Variants in TMEM178B observed in about 807,000 individuals in gnomAD.
TMEM178B encodes transmembrane protein 178B.
In TMEM178B, 5 loss-of-function variants were observed where a neutral mutation model predicts 31.0. The observed-to-expected ratio is 0.16, with a 90% confidence interval of 0.08 to 0.34. The LOEUF is 0.34. Among genes scored for constraint, TMEM178B ranks in the 10% least tolerant of loss-of-function variants. TMEM178B has a pLI of 1.00. For missense variants in TMEM178B, 275 were observed against 400.3 expected (o/e 0.69, Z 2.67); for synonymous variants, 164 against 164.0 (o/e 1.00, Z 0.00).
intron 2 of TMEM178B, among the ~76,000 whole-genome samples, chr7:141,291,029 T>C (rs1456425759): frequency 6.6e-6 from 1 of 152,212 alleles, no homozygotes; most frequent in African/African-American, 2.4e-5. Flanking sequence ...TTGCTTTCTC[T>C]ACCATTTGGG....
At chr7:141,089,205 A>G (rs919763598) in intron 1 of TMEM178B, among the ~76,000 whole-genome samples, 4 of 152,256 alleles carry the variant, frequency 2.6e-5, no homozygotes, top group Non-Finnish European at 4.4e-5. Flanking sequence ...GGAGGCAGAA[A>G]GCACTTCGAC....
chr7:141,381,185 T>C (rs1800308564), intron 2 of TMEM178B, among the ~76,000 whole-genome samples: 1 of 152,260 alleles, frequency 6.6e-6, no homozygotes, highest in African/African-American at 2.4e-5. Context: ...AATTCAGTGA[T>C]GTGAAACCCC....
chr7:141,390,256 C>T (rs962054057), intron 2 of TMEM178B, among the ~76,000 whole-genome samples: 1 of 152,186 alleles, frequency 6.6e-6, no homozygotes, highest in African/African-American at 2.4e-5. Flanking sequence ...GGGGGCCACA[C>T]CCTCTATGTG....
rs1287295410 is a variant in TMEM178B, at chr7:141,344,069, T to C, written c.497-93539T>C. Reference sequence around the variant, plus strand: ...TTTAAAATACGGAGTATATGAGATATTGGCTCCTCACTATATGCTGATCTA... The same window carrying C: ...TTTAAAATACGGAGTATATGAGATACTGGCTCCTCACTATATGCTGATCTA... On this transcript the variant is annotated intron_variant, in intron 2 of 3. Coordinates refer to ENST00000565468, the MANE Select transcript of TMEM178B (RefSeq NM_001195278.2). This position sits in a 1 kb window ranked among gnomAD's most constrained non-coding sequence, Gnocchi z 4.1. Among the ~76,000 whole-genome samples, 1 of 152,192 alleles carries C rather than the reference T, an allele frequency of 6.6e-6. No individual in the cohort carries two copies. Among genetic ancestry groups the C allele is most frequent in the Admixed American group, 6.5e-5 (1 of 15,286 alleles).
chr7:141,135,773 G>A (rs542886774), intron 1 of TMEM178B, among the ~76,000 whole-genome samples: 6 of 152,026 alleles, frequency 3.9e-5, no homozygotes, highest in South Asian at 2.1e-4. Flanking sequence ...TGCCTATATC[G>A]AAAAAGTGGA....
At chr7:141,327,637 T>C (rs1477701095) in intron 2 of TMEM178B, among the ~76,000 whole-genome samples, 2 of 152,186 alleles carry the variant, frequency 1.3e-5, no homozygotes, top group Non-Finnish European at 2.9e-5. Flanking sequence ...AGAAAGTTTA[T>C]GTGTTGGAAA....
At chr7:141,490,277 A>G in the TMEM178B span, among the ~76,000 whole-genome samples, 3 of 152,244 alleles carry the variant, frequency 2.0e-5, no homozygotes, top group African/African-American at 4.8e-5. Context: ...ATGTGACCTT[A>G]TTTGGAAATA....
In TMEM178B at chr7:141,082,411, C is replaced by CTGTT. The variant is rs1204982989; in HGVS notation, c.382+7722_382+7725dup. 4.6e-5 allele frequency among the ~76,000 whole-genome samples: 7 copies of CTGTT among 152,320 alleles called. No individual in the cohort carries two copies. In the South Asian group the frequency reaches 1.5e-3, roughly 32 times the overall value. On this transcript the variant is annotated intron_variant, in intron 1 of 3. Transcript: ENST00000565468. ...CCTGTACTTAGTAGGTTCTGAAAAA[C>CTGTT]TGTTTGCTGATTAAAAAACTTAAGA...
chr7:141,275,652 C>T (rs1396979123), intron 2 of TMEM178B, among the ~76,000 whole-genome samples: 1 of 152,190 alleles, frequency 6.6e-6, no homozygotes, highest in Non-Finnish European at 1.5e-5. Context: ...TTACCTTGCT[C>T]ATAATGTAAA....
intron 3 of TMEM178B, among the ~76,000 whole-genome samples, chr7:141,462,909 C>T (rs1167555143): frequency 1.3e-5 from 2 of 152,014 alleles, no homozygotes; most frequent in South Asian, 2.1e-4. Flanking sequence ...GGATGTGATT[C>T]CTGAAAGAGC....
intron 1 of TMEM178B, among the ~76,000 whole-genome samples, chr7:141,162,131 G>A (rs536282352): frequency 1.6e-4 from 25 of 152,250 alleles, no homozygotes; most frequent in Non-Finnish European, 2.8e-4. Flanking sequence ...AGGATTCCCC[G>A]TTTCCCCACA....
intron 2 of TMEM178B, among the ~76,000 whole-genome samples, chr7:141,227,729 C>T (rs1797369597): frequency 1.3e-5 from 2 of 152,234 alleles, no homozygotes; most frequent in South Asian, 2.1e-4. Context: ...ATATGAACTT[C>T]GCAAAATAGG....
chr7:141,213,343 T>A (rs1797078871), intron 2 of TMEM178B, among the ~76,000 whole-genome samples: 1 of 152,210 alleles, frequency 6.6e-6, no homozygotes. Flanking sequence ...GAGGGTTAGT[T>A]CATGAGCAAA....
chr7:141,418,817 G>A (rs1181525285), intron 2 of TMEM178B, among the ~76,000 whole-genome samples: 2 of 152,182 alleles, frequency 1.3e-5, no homozygotes, highest in African/African-American at 2.4e-5. Flanking sequence ...GCCATAAAGG[G>A]CATTTCCAAT....
chr7:141,082,085 C>T (rs1430881620), intron 1 of TMEM178B, among the ~76,000 whole-genome samples: 1 of 152,208 alleles, frequency 6.6e-6, no homozygotes, highest in African/African-American at 2.4e-5. Flanking sequence ...TACCACATAA[C>T]CTTGGTGTGT....
intron 1 of TMEM178B, among the ~76,000 whole-genome samples, chr7:141,165,538 C>T (rs1426884406): frequency 6.6e-6 from 1 of 152,160 alleles, no homozygotes; most frequent in Non-Finnish European, 1.5e-5. Flanking sequence ...TCTCCACTGT[C>T]TAGTTATTTT....
In TMEM178B at chr7:141,320,595, A is replaced by AT. The variant is rs563868075; in HGVS notation, c.496+107895dup. On this transcript the variant is annotated intron_variant, in intron 2 of 3. Coordinates refer to ENST00000565468, the MANE Select transcript of TMEM178B (RefSeq NM_001195278.2). The stretch of plus-strand genomic sequence containing the variant: ...CCCTCACACCTGGAGGCTCAGGCCC[A>AT]TTTTCCATCCTGAGCTAATTCTGGA... 9.7e-4 allele frequency among the ~76,000 whole-genome samples: 148 copies of AT among 152,126 alleles called. 2 individuals are homozygous for AT. The highest frequency in any genetic ancestry group is 3.3e-3 in the African/African-American group (137 of 41,500).
At chr7:141,174,290 A>G (rs1305309584) in intron 1 of TMEM178B, among the ~76,000 whole-genome samples, 1 of 152,050 alleles carries the variant, frequency 6.6e-6, no homozygotes, top group African/African-American at 2.4e-5. Flanking sequence ...AAGGACATGA[A>G]CTCATCCTTT....
chr7:141,184,790 C>T (rs1021550154), intron 1 of TMEM178B, among the ~76,000 whole-genome samples: 2 of 152,184 alleles, frequency 1.3e-5, no homozygotes, highest in African/African-American at 4.8e-5. Context: ...AGTTTACACG[C>T]AGTGACCCTT....
Sources: gnomAD v4.1 joint callset for allele counts (sites outside exome capture counted in the v4.1 genomes callset) on GRCh38, gnomAD v4.1.1 for gene constraint, Gnocchi (gnomAD v3.1) non-coding constraint, MANE v1.5 for transcripts, NCBI Gene and HGNC (gene_info 2026-07-23, HGNC 2026-07-21) for gene names.